ANKRD31: variants seen among roughly 807,000 people sequenced by gnomAD.
ANKRD31 encodes ankyrin repeat domain 31.
A neutral mutation model predicts 186.0 loss-of-function variants in ANKRD31; 147 were observed. That is an observed-to-expected ratio of 0.79 (90% CI 0.69 to 0.91). ANKRD31 has a LOEUF of 0.91. ANKRD31 is among the 40% of genes least tolerant of loss of function. The pLI, the probability that ANKRD31 is intolerant of heterozygous loss-of-function variation, is 0.00. For synonymous variants in ANKRD31, 673 were observed against 736.4 expected (o/e 0.91, Z 1.39); for missense variants, 1,986 against 2,148.8 (o/e 0.92, Z 1.50).
At chr5:75,227,115 A>C (rs181888263) in intron 2 of ANKRD31, among the ~76,000 whole-genome samples, 4 of 152,316 alleles carry the variant, frequency 2.6e-5, no homozygotes, top group African/African-American at 9.6e-5. Flanking sequence ...AAAAAGAATG[A>C]GATTCTGTCA....
intron 20 of ANKRD31, among the ~76,000 whole-genome samples, chr5:75,110,285 C>A (rs895133958): frequency 1.3e-5 from 2 of 152,040 alleles, no homozygotes; most frequent in African/African-American, 2.4e-5. Flanking sequence ...AAGAAAAAGA[C>A]AAGTGGCTGA....
At chr5:75,198,823 C>T (rs978006052) in intron 6 of ANKRD31, among the ~76,000 whole-genome samples, 1 of 152,206 alleles carries the variant, frequency 6.6e-6, no homozygotes, top group Non-Finnish European at 1.5e-5. Context: ...TCGGTCCTCA[C>T]AATACCTGTA....
intron 24 of ANKRD31, among the ~76,000 whole-genome samples, chr5:75,083,886 T>C (rs986406945): frequency 3.9e-5 from 6 of 152,228 alleles, no homozygotes; most frequent in African/African-American, 1.4e-4. Context: ...AAAAACATTA[T>C]ACTAAGTGAA....
intron 18 of ANKRD31, among the ~76,000 whole-genome samples, chr5:75,117,351 C>A (rs1256622986): frequency 6.6e-6 from 1 of 152,026 alleles, no homozygotes; most frequent in African/African-American, 2.4e-5. Context: ...AGACCCTGAC[C>A]CTATGGACTT....
chr5:75,157,108 G>C (rs566442235), intron 11 of ANKRD31, among the ~76,000 whole-genome samples: 5 of 152,244 alleles, frequency 3.3e-5, no homozygotes, highest in Middle Eastern at 3.4e-3. Context: ...GGGCTTAGGA[G>C]GAGCATATTA....
chr5:75,192,792 A>G lies in ANKRD31; in HGVS notation c.1299-16T>C, dbSNP rs2150244645. 3 of 1,494,224 alleles carry G rather than the reference A, an allele frequency of 2.0e-6. No individual in the cohort carries two copies. In the East Asian group the frequency reaches 7.4e-5, roughly 37 times the overall value. 92.6% of individuals were successfully genotyped at this position (1,494,224 alleles called of 1,614,324 possible). A position where few individuals can be genotyped will look rare whatever the true frequency, so the allele number is the denominator to read the frequency against. On this transcript the variant is annotated splice_polypyrimidine_tract_variant and intron_variant, in intron 8 of 25. Coordinates refer to ENST00000506364, the MANE Select transcript of ANKRD31 (RefSeq NM_001372053.1). The stretch of plus-strand genomic sequence containing the variant: ...ATCCTGCATTCTTGAAAAACAACGT[A>G]TTTTTTAAATGGCTATAACGGTTTT...
At chr5:75,172,034 C>A (rs972913635) in intron 10 of ANKRD31, among the ~76,000 whole-genome samples, 4 of 151,542 alleles carry the variant, frequency 2.6e-5, no homozygotes, top group African/African-American at 9.7e-5. Flanking sequence ...AAAATATTAG[C>A]AAATCTTGAT....
intron 12 of ANKRD31, 104 bp from the exon 13 acceptor site, chr5:75,148,732 G>T: frequency 2.9e-6 from 2 of 694,720 alleles, no homozygotes; most frequent in South Asian, 2.4e-5. Flanking sequence ...AGTGGAATAA[G>T]TGAAATTATG....
chr5:75,210,895 C>T, intron 3 of ANKRD31, 30 bp from the exon 4 acceptor site: 1 of 1,456,016 alleles, frequency 6.9e-7, no homozygotes, highest in Non-Finnish European at 9.1e-7. Context: ...TTTTTTCCAA[C>T]TGATAAGTGT....
chr5:75,104,150 G>T, intron 22 of ANKRD31, 78 bp downstream of exon 22: 1 of 1,240,558 alleles, frequency 8.1e-7, no homozygotes, highest in African/African-American at 1.5e-5. Flanking sequence ...AGAGCTAAAT[G>T]TCTATATTAT....
At chr5:75,206,892 A>C (rs1204245522) in intron 4 of ANKRD31, among the ~76,000 whole-genome samples, 1 of 152,188 alleles carries the variant, frequency 6.6e-6, no homozygotes, top group Non-Finnish European at 1.5e-5. Flanking sequence ...GAGAGTCATT[A>C]ATGATAAATT....
chr5:75,191,881 A>G (rs978153029), intron 9 of ANKRD31, among the ~76,000 whole-genome samples: 2 of 152,106 alleles, frequency 1.3e-5, no homozygotes, highest in Non-Finnish European at 2.9e-5. Flanking sequence ...TGTTGACTCC[A>G]GCTTATCGCA....
chr5:75,219,277 C>A (rs1187983458), intron 3 of ANKRD31, among the ~76,000 whole-genome samples: 4 of 152,272 alleles, frequency 2.6e-5, no homozygotes, highest in Admixed American at 6.5e-5. Flanking sequence ...AGCTGATAAG[C>A]AACTTCAGCA....
At chr5:75,188,418 A>G (rs1395674058) in intron 10 of ANKRD31, 75 bp downstream of exon 10, 4 of 1,384,794 alleles carry the variant, frequency 2.9e-6, no homozygotes, top group Middle Eastern at 2.2e-4. Flanking sequence ...TCACTTTGCT[A>G]TACTTTCCTA....
chr5:75,096,466 G>A (rs184521597), intron 22 of ANKRD31, among the ~76,000 whole-genome samples: 4 of 152,200 alleles, frequency 2.6e-5, no homozygotes, highest in African/African-American at 9.6e-5. Context: ...TAGGTTGCCT[G>A]TTCGCTCTAA....
intron 6 of ANKRD31, among the ~76,000 whole-genome samples, chr5:75,197,474 C>T (rs1214132915): frequency 6.6e-6 from 1 of 152,134 alleles, no homozygotes; most frequent in Non-Finnish European, 1.5e-5. Context: ...AGAAGCAAAA[C>T]CACTTTATTC....
intron 12 of ANKRD31, among the ~76,000 whole-genome samples, chr5:75,152,269 A>G (rs542916584): frequency 6.6e-6 from 1 of 152,210 alleles, no homozygotes; most frequent in South Asian, 2.1e-4. Context: ...TTTGTATCAA[A>G]GAAGTGACAA....
intron 9 of ANKRD31, among the ~76,000 whole-genome samples, chr5:75,191,783 G>A (rs1755134036): frequency 6.6e-6 from 1 of 151,870 alleles, no homozygotes; most frequent in South Asian, 2.1e-4. Flanking sequence ...AGTTATAAAA[G>A]TATTTTCTTT....
chr5:75,125,137 T>G (rs1310942074), intron 17 of ANKRD31, among the ~76,000 whole-genome samples: 1 of 152,146 alleles, frequency 6.6e-6, no homozygotes, highest in African/African-American at 2.4e-5. Flanking sequence ...CACATAGTAG[T>G]CACCTAATAA....
Sources: gnomAD v4.1 joint callset for allele counts (sites outside exome capture counted in the v4.1 genomes callset) on GRCh38, gnomAD v4.1.1 for gene constraint, MANE v1.5 for transcripts, NCBI Gene and HGNC (gene_info 2026-07-23, HGNC 2026-07-21) for gene names.